The following ZNF761 variants were observed in gnomAD, a reference collection of about 807,000 sequenced individuals.
The protein encoded by ZNF761 is zinc finger protein 761.
In ZNF761, 43 loss-of-function variants were observed where a neutral mutation model predicts 59.9. That is an observed-to-expected ratio of 0.72 (90% CI 0.56 to 0.92). The LOEUF is 0.92. Ranked by LOEUF, ZNF761 falls within the 40% of genes least tolerant of loss-of-function variation. The pLI, the probability that ZNF761 is intolerant of heterozygous loss-of-function variation, is 0.00. For missense variants in ZNF761, 850 were observed against 906.1 expected, an observed-to-expected ratio of 0.94 and a Z score of 0.79; for synonymous variants, 294 against 304.8, an observed-to-expected ratio of 0.96 and a Z score of 0.37.
Position 53,449,527 on chromosome 19 carries a change from A to G in ZNF761, c.31A>G (p.Arg11Gly). The change falls in exon 4 of 5, where the codon AGG (arginine) becomes GGG (glycine). Residue 11 changes from arginine to glycine, a missense_variant. Coordinates refer to ENST00000684525, the MANE Select transcript of ZNF761 (RefSeq NM_001289951.2). Reference protein sequence around the residue: MAFSQGLLTFRDVAIEFSQEE... With the variant: MAFSQGLLTFGDVAIEFSQEE... ...TTCATTTCAGGGTCTATTGACATTC[A>G]GGGATGTGGCCATAGAATTCTCTCA... 3 of 1,614,004 alleles carry G rather than the reference A, an allele frequency of 1.9e-6. No individual in the cohort carries two copies. Among genetic ancestry groups the G allele is most frequent in the Non-Finnish European group, 1.7e-6 (2 of 1,180,012 alleles).
At chr19:53,436,680 A>G (rs1419929477) in intron 1 of ZNF761, among the ~76,000 whole-genome samples, 1 of 152,158 alleles carries the variant, frequency 6.6e-6, no homozygotes, top group Non-Finnish European at 1.5e-5. Flanking sequence ...ATCTTACACT[A>G]TTTCAGCTAC....
intron 1 of ZNF761, chr19:53,442,049 C>T (rs1382047809): frequency 1.4e-5 from 12 of 867,072 alleles, no homozygotes; most frequent in Non-Finnish European, 1.9e-5. Context: ...TGAAGAGGAG[C>T]TGGACTGTGC....
intron 1 of ZNF761, chr19:53,444,430 C>G (rs2086132812): frequency 1.3e-5 from 2 of 152,170 alleles, no homozygotes; most frequent in African/African-American, 4.8e-5. Flanking sequence ...AAACATAAAC[C>G]TGGCCTACAT....
At chr19:53,449,437 C>G in intron 3 of ZNF761, 75 bp from the exon 4 acceptor site, 1 of 1,599,480 alleles carries the variant, frequency 6.3e-7, no homozygotes, top group Non-Finnish European at 8.5e-7. Flanking sequence ...ATGCCTTCAC[C>G]TCTCTTCTTC....
rs543782137 is a variant in ZNF761 at position 53,450,307 on chromosome 19, TAAATA to T, written c.142+679_142+683del. On this transcript the variant is annotated intron_variant, in intron 4 of 4. Coordinates refer to ENST00000684525, the MANE Select transcript of ZNF761 (RefSeq NM_001289951.2). Reference sequence around the variant, plus strand: ...AGAGTGAGACTCCATCTCAAAAAAATAAATAAAATAAAATGAAATATTTGCATATG... The same window carrying T: ...AGAGTGAGACTCCATCTCAAAAAAATAAATAAAATGAAATATTTGCATATG... 3 of 152,678 alleles carry T rather than the reference TAAATA, an allele frequency of 2.0e-5. 1 individual carries two copies. The highest frequency in any genetic ancestry group is 4.3e-5 in the Non-Finnish European group (3 of 68,968). 9.5% of individuals were successfully genotyped at this position (152,678 alleles called of 1,614,324 possible). A position where few individuals can be genotyped will look rare whatever the true frequency, so the allele number is the denominator to read the frequency against.
chr19:53,445,491 C>T (rs1366386429), intron 1 of ZNF761, among the ~76,000 whole-genome samples: 3 of 43,964 alleles, frequency 6.8e-5, no homozygotes, highest in South Asian at 1.2e-3. Context: ...TGAAAATTTC[C>T]CTGCTCTGAG....
At chr19:53,440,248 G>A (rs1265035771) in intron 1 of ZNF761, among the ~76,000 whole-genome samples, 1 of 152,152 alleles carries the variant, frequency 6.6e-6, no homozygotes, top group Non-Finnish European at 1.5e-5. Flanking sequence ...AAGATCACTT[G>A]AGCCCAGGAA....
Position 53,455,550 on chromosome 19 carries a change from A to T in ZNF761, c.1043A>T (p.His348Leu). The change falls in exon 5 of 5, where the codon CAT becomes CTT. Residue 348 changes from histidine (H) to leucine (L), a missense_variant. Transcript: ENST00000684525. ...KSILTRHHRL[H>L]TGEKPYKCNE... ...ATCCTTACACGCCATCATCGACTTC[A>T]TACTGGAGAGAAACCTTACAAGTGT... 1.2e-6 allele frequency: 2 copies of T among 1,613,094 alleles called. No individual in the cohort carries two copies. Among genetic ancestry groups the T allele is most frequent in the Non-Finnish European group, 1.7e-6 (2 of 1,179,520 alleles).
intron 1 of ZNF761, among the ~76,000 whole-genome samples, chr19:53,441,436 G>A (rs543589026): frequency 3.8e-5 from 5 of 133,202 alleles, no homozygotes; most frequent in East Asian, 2.0e-4. Flanking sequence ...TGTTAGTTTC[G>A]GGTTTTTTTG....
intron 3 of ZNF761, among the ~76,000 whole-genome samples, chr19:53,449,059 C>T (rs144921560): frequency 0.058 from 8,861 of 152,142 alleles, 361 homozygotes; most frequent in East Asian, 0.16. Context: ...GGGCCGGGCG[C>T]GGTGGATCAC....
In ZNF761 at chr19:53,456,643, T is replaced by C. The variant is rs1392320073; in HGVS notation, c.2136T>C (p.His712=). ...KSSLICHHRL[H]TGEKPYKCNE... ...CCCTTATATGCCACCATAGACTTCA[T>C]ACTGGAGAGAAACCTTACAAGTGTA... Residue 712 remains histidine (H), a synonymous_variant, in exon 5 of 5, where the codon CAT becomes CAC. Coordinates refer to ENST00000684525, the MANE Select transcript of ZNF761 (RefSeq NM_001289951.2). The C allele has an allele frequency of 6.2e-7, 1 of 1,613,822 alleles. No homozygotes were observed. The highest frequency in any genetic ancestry group is 1.7e-5 in the Admixed American group (1 of 59,982).
chr19:53,440,297 C>T (rs372736281), intron 1 of ZNF761, among the ~76,000 whole-genome samples: 16 of 152,138 alleles, frequency 1.1e-4, no homozygotes, highest in African/African-American at 2.2e-4. Context: ...CCACTGCACT[C>T]CAGCCTGGTC....
At chr19:53,447,704 A>G (rs888979741) in intron 3 of ZNF761, among the ~76,000 whole-genome samples, 4 of 152,216 alleles carry the variant, frequency 2.6e-5, no homozygotes, top group Non-Finnish European at 5.9e-5. Context: ...ACCAAGATCG[A>G]GAAATGTTTT....
rs765117900 is a variant in ZNF761, at chr19:53,455,080, C to A, written c.573C>A (p.Asn191Lys). The change falls in exon 5 of 5, where the codon AAC (asparagine) becomes AAA (lysine). Residue 191 changes from asparagine to lysine, a missense_variant. Transcript: ENST00000684525. ...GGCCCAAAACCCATATATCTAATAA[C>A]CATGGGAATAATTTCTGGAATTCTT... ...SCRPKTHISNNHGNNFWNSSL... is the reference protein window; with the variant it reads ...SCRPKTHISNKHGNNFWNSSL... The A allele has an allele frequency of 1.9e-4, 311 of 1,614,102 alleles. 4 individuals carry two copies. The South Asian group carries it at 3.3e-3, about 17-fold the overall frequency.
rs143454974 is a variant in ZNF761, at chr19:53,449,374, C to A, written c.16-138C>A. The A allele has an allele frequency of 1.6e-5, 25 of 1,595,102 alleles. No individual in the cohort carries two copies. The African/African-American group carries it at 3.4e-4, about 21-fold the overall frequency. On this transcript the variant is annotated intron_variant, in intron 3 of 4. Transcript: ENST00000684525. ...AAAACACAACTGGGAAGACAAAATG[C>A]GGTGAAAAATCCCTTACTCAGATTT...
At chr19:53,434,075 A>T (rs1444734021) in intron 1 of ZNF761, among the ~76,000 whole-genome samples, 1 of 152,156 alleles carries the variant, frequency 6.6e-6, no homozygotes, top group East Asian at 1.9e-4. Flanking sequence ...TGGGCCAGTA[A>T]GTCTAATGCA....
At chr19:53,439,326 G>A (rs989314018) in intron 1 of ZNF761, among the ~76,000 whole-genome samples, 9 of 151,270 alleles carry the variant, frequency 5.9e-5, no homozygotes, top group African/African-American at 2.2e-4. Flanking sequence ...TTGTTTTTGA[G>A]ATGGAGTCTT....
chr19:53,452,552 C>T (rs1008538496), intron 4 of ZNF761, among the ~76,000 whole-genome samples: 2 of 151,986 alleles, frequency 1.3e-5, no homozygotes, highest in East Asian at 1.9e-4. Context: ...GAGTGTGACT[C>T]GGTCTCAAAC....
chr19:53,450,442 C>T (rs1418000134), intron 4 of ZNF761: 3 of 152,212 alleles, frequency 2.0e-5, no homozygotes, highest in Non-Finnish European at 2.9e-5. Context: ...GAGTTACTTA[C>T]AGTGGAAGTA....
Sources: allele counts gnomAD v4.1 joint callset (sites outside exome capture counted in the v4.1 genomes callset), GRCh38; gene constraint gnomAD v4.1.1; transcripts MANE v1.5; gene names NCBI Gene and HGNC (gene_info 2026-07-23, HGNC 2026-07-21).